PCDH15: variants seen among roughly 807,000 people sequenced by gnomAD.
PCDH15 encodes the protein protocadherin-15.
PCDH15 carries 129 observed loss-of-function variants against 178.5 expected under a neutral mutation model. The observed-to-expected ratio is 0.72, with a 90% CI of 0.63 to 0.84. The LOEUF (loss-of-function observed/expected upper bound fraction) is 0.84, where lower values mean the gene tolerates loss of function less well. Among genes scored for constraint, PCDH15 ranks in the 40% least tolerant of loss-of-function variants. The pLI, the probability that PCDH15 is intolerant of heterozygous loss-of-function variation, is 0.00. For missense variants in PCDH15, 2,230 were observed against 2,099.9 expected (o/e 1.06, Z -1.21); for synonymous variants, 800 against 732.0 (o/e 1.09, Z -1.50).
intron 2 of PCDH15, among the ~76,000 whole-genome samples, chr10:55,546,720 AATT>A (rs1278559594): frequency 6.6e-6 from 1 of 152,088 alleles, no homozygotes; most frequent in East Asian, 1.9e-4. Flanking sequence ...TTACTTGTTC[AATT>A]ATTTGTCTAT....
chr10:54,994,650 T>C (rs1326797378), intron 2 of PCDH15, among the ~76,000 whole-genome samples: 3 of 152,144 alleles, frequency 2.0e-5, no homozygotes, highest in Non-Finnish European at 2.9e-5. Flanking sequence ...TCAGACAATG[T>C]TATTATAAAC....
At chr10:55,428,800 ACT>A (rs1244423087) in intron 2 of PCDH15, among the ~76,000 whole-genome samples, 3 of 151,090 alleles carry the variant, frequency 2.0e-5, no homozygotes, top group Non-Finnish European at 4.4e-5. Context: ...CATTTTGTGC[ACT>A]CTCATGAATT....
At chr10:54,639,360 A>G (rs2093939221) in intron 2 of PCDH15, among the ~76,000 whole-genome samples, 1 of 152,072 alleles carries the variant, frequency 6.6e-6, no homozygotes, top group Non-Finnish European at 1.5e-5. Flanking sequence ...ATAAAATCTT[A>G]TTTGGTCAGA....
chr10:55,253,870 A>G (rs1322541587), intron 1 of PCDH15, among the ~76,000 whole-genome samples: 1 of 152,210 alleles, frequency 6.6e-6, no homozygotes, highest in Non-Finnish European at 1.5e-5. Context: ...TACACTGCAA[A>G]GTAGTCAACC....
intron 2 of PCDH15, among the ~76,000 whole-genome samples, chr10:55,088,340 C>T (rs1240127609): frequency 6.6e-6 from 1 of 151,774 alleles, no homozygotes. Context: ...GTGATCTTGG[C>T]TCACTGCAAC....
intron 2 of PCDH15, among the ~76,000 whole-genome samples, chr10:55,473,928 C>A (rs1157704529): frequency 1.3e-5 from 2 of 152,050 alleles, no homozygotes; most frequent in Non-Finnish European, 2.9e-5. Flanking sequence ...AATTGTTAAA[C>A]CTATTTAAGT....
intron 2 of PCDH15, among the ~76,000 whole-genome samples, chr10:55,067,240 C>A (rs1277203215): frequency 6.6e-6 from 1 of 151,982 alleles, no homozygotes; most frequent in Admixed American, 6.6e-5. Context: ...TTCATCCCCA[C>A]AACACTTCTC....
At chr10:55,087,195 T>C (rs1210728349) in intron 2 of PCDH15, among the ~76,000 whole-genome samples, 1 of 152,166 alleles carries the variant, frequency 6.6e-6, no homozygotes, top group African/African-American at 2.4e-5. Context: ...TGCCTTCATT[T>C]ATTTTCTCTG....
At chr10:55,506,947 A>T (rs1462079849) in intron 2 of PCDH15, among the ~76,000 whole-genome samples, 1 of 151,588 alleles carries the variant, frequency 6.6e-6, no homozygotes, top group Non-Finnish European at 1.5e-5. Flanking sequence ...AAAGATTAAC[A>T]CATGAAATAG....
At chr10:54,718,760 C>T (rs1241940424) in intron 1 of PCDH15, among the ~76,000 whole-genome samples, 17 of 143,048 alleles carry the variant, frequency 1.2e-4, no homozygotes, top group African/African-American at 3.4e-4. Context: ...GGTACAATCT[C>T]GGCTCACTGC....
intron 9 of PCDH15, among the ~76,000 whole-genome samples, chr10:54,233,665 A>G (rs934095237): frequency 3.3e-5 from 5 of 152,222 alleles, no homozygotes; most frequent in African/African-American, 1.2e-4. Flanking sequence ...GAGTTGTTCC[A>G]TCTTGACCTT....
At chr10:53,846,177 G>A (rs944652437) in intron 28 of PCDH15, among the ~76,000 whole-genome samples, 2 of 151,770 alleles carry the variant, frequency 1.3e-5, no homozygotes, top group Admixed American at 6.6e-5. Context: ...TGATTATGTC[G>A]AGCATTCTCA....
chr10:54,944,421 G>A (rs193175595), intron 2 of PCDH15, among the ~76,000 whole-genome samples: 1 of 152,046 alleles, frequency 6.6e-6, no homozygotes, highest in Admixed American at 6.6e-5. Context: ...AAATTAAAAG[G>A]AAGGGATGTG....
In PCDH15 at chr10:54,454,543, G is replaced by T. The variant is rs2076694851; in HGVS notation, c.157+73269C>A. Among the ~76,000 whole-genome samples the T allele has an allele frequency of 2.7e-5, 4 of 150,850 alleles. No individual in the cohort carries two copies. The South Asian group carries it at 8.4e-4, about 32-fold the overall frequency. The stretch of plus-strand genomic sequence containing the variant: ...CTGATGTTTAATAAATATTTCTGTG[G>T]ATTATTCCTCTGAAATAATATTTTA... On this transcript the variant is annotated intron_variant, in intron 3 of 37. Coordinates refer to ENST00000644397, the MANE Select transcript of PCDH15 (RefSeq NM_001384140.1).
chr10:54,898,796 G>T (rs1591770468), intron 2 of PCDH15, among the ~76,000 whole-genome samples: 2 of 152,106 alleles, frequency 1.3e-5, no homozygotes, highest in East Asian at 3.9e-4. Context: ...AAAGATTCTA[G>T]TTCTAACCAT....
At chr10:54,071,096 C>A (rs1353107639) in intron 17 of PCDH15, among the ~76,000 whole-genome samples, 1 of 152,082 alleles carries the variant, frequency 6.6e-6, no homozygotes, top group Non-Finnish European at 1.5e-5. Context: ...AAATAATTAA[C>A]TAATTTTCTA....
intron 15 of PCDH15, among the ~76,000 whole-genome samples, chr10:54,118,777 TA>T (rs1220198182): frequency 5.1e-5 from 6 of 118,218 alleles, no homozygotes; most frequent in African/African-American, 1.9e-4. Context: ...GTTTTATTTT[TA>T]TTTTTTTTTG....
intron 2 of PCDH15, among the ~76,000 whole-genome samples, chr10:55,614,931 T>G (rs1843444533): frequency 6.6e-6 from 1 of 152,176 alleles, no homozygotes; most frequent in East Asian, 1.9e-4. Context: ...CAGCAAATTG[T>G]TTATTTCTAA....
At chr10:55,062,484 T>C (rs1182102678) in intron 2 of PCDH15, among the ~76,000 whole-genome samples, 1 of 152,198 alleles carries the variant, frequency 6.6e-6, no homozygotes, top group Non-Finnish European at 1.5e-5. Flanking sequence ...GAAGCCAATA[T>C]GAAAATGTTA....
Sources: allele counts gnomAD v4.1 joint callset (sites outside exome capture counted in the v4.1 genomes callset), GRCh38; gene constraint gnomAD v4.1.1; transcripts MANE v1.5; gene names NCBI Gene and HGNC (gene_info 2026-07-23, HGNC 2026-07-21).